CCDC61: variants seen among roughly 807,000 people sequenced by gnomAD.
The protein encoded by CCDC61 is coiled-coil domain containing 61, also known as centrosomal protein CCDC61.
CCDC61 carries 55 observed loss-of-function variants against 63.0 expected under a neutral mutation model. The ratio of observed to expected loss-of-function variants is 0.87; its 90% CI spans 0.70 to 1.09. CCDC61 has a LOEUF of 1.09. Among genes scored for constraint, CCDC61 ranks in the 50% least tolerant of loss-of-function variants. The pLI is 0.00. For missense variants in CCDC61, 651 were observed against 731.4 expected, an observed-to-expected ratio of 0.89 and a Z score of 1.27; for synonymous variants, 270 against 317.0, an observed-to-expected ratio of 0.85 and a Z score of 1.58.
Position 46,016,148 on chromosome 19 carries a change from C to A in CCDC61, c.940C>A (p.Arg314Ser), listed in dbSNP as rs113745251. The A allele has an allele frequency of 1.6e-3, 2,055 of 1,249,070 alleles. 25 individuals are homozygous for A. In the African/African-American group the frequency reaches 0.029, roughly 18 times the overall value. The allele number at this position is 1,249,070 out of a possible 1,614,324, so 77.4% of individuals were successfully genotyped here. A position where few individuals can be genotyped will look rare whatever the true frequency, so the allele number is the denominator to read the frequency against. ...CGCGTCGCGAGGCCGCGGCGCCGCGCGCTCCTCATCCCGGGAGAGCGGCCG... is the reference window on the plus strand; with the variant it reads ...CGCGTCGCGAGGCCGCGGCGCCGCGAGCTCCTCATCCCGGGAGAGCGGCCG... ...RSASRGRGAARSSSRESGRGS... is the reference protein window; with the variant it reads ...RSASRGRGAASSSSRESGRGS... The change falls in exon 8 of 14, where the codon CGC (arginine) becomes AGC (serine). Residue 314 changes from arginine (R) to serine (S), a missense_variant. Coordinates refer to ENST00000595358, the MANE Select transcript of CCDC61 (RefSeq NM_001267723.2). This position sits in a 1 kb window ranked among gnomAD's most constrained non-coding sequence, Gnocchi z 7.2.
At chr19:45,998,491 C>T (rs1232924316) in intron 1 of CCDC61, among the ~76,000 whole-genome samples, 1 of 152,134 alleles carries the variant, frequency 6.6e-6, no homozygotes, top group South Asian at 2.1e-4. Context: ...TCAGGGAGGG[C>T]TTCCTGCAGG....
Position 46,008,053 on chromosome 19 carries a change from G to A in CCDC61, c.390-87G>A, listed in dbSNP as rs773104600. 494 of 1,395,634 alleles carry A rather than the reference G, an allele frequency of 3.5e-4. 1 individual carries two copies. Among genetic ancestry groups the A allele is most frequent in the Non-Finnish European group, 4.1e-4 (425 of 1,037,206 alleles). 86.5% of individuals were successfully genotyped at this position (1,395,634 alleles called of 1,614,324 possible). On this transcript the variant is annotated intron_variant, in intron 4 of 13. Coordinates refer to ENST00000595358, the MANE Select transcript of CCDC61 (RefSeq NM_001267723.2). ...GCAGTTTTTGGAATTGTGTGTTTTC[G>A]TACTCTGTGGCTCTCAGAGGCTGCT...
At chr19:45,999,065 TG>T in intron 1 of CCDC61, among the ~76,000 whole-genome samples, 1 of 152,328 alleles carries the variant, frequency 6.6e-6, no homozygotes, top group African/African-American at 2.4e-5. Context: ...CTCTGTATAA[TG>T]GGGATGGTTA....
chr19:46,014,685 G>A (rs1968889347), intron 5 of CCDC61, among the ~76,000 whole-genome samples: 2 of 152,186 alleles, frequency 1.3e-5, no homozygotes, highest in Admixed American at 1.3e-4. Context: ...GAGGTGGGAG[G>A]AGGAGGGAGG....
chr19:46,008,140 G>A lies in CCDC61; in HGVS notation c.390G>A (p.Arg130=), dbSNP rs1968748293. The A allele has an allele frequency of 6.2e-7, 1 of 1,606,492 alleles. No individual in the cohort carries two copies. The highest frequency in any genetic ancestry group is 2.2e-5 in the East Asian group (1 of 44,714). The change falls in exon 5 of 14, where the codon AGG becomes AGA. Residue 130 remains arginine (R), a splice_region_variant and synonymous_variant. Coordinates refer to ENST00000595358, the MANE Select transcript of CCDC61 (RefSeq NM_001267723.2). ...LILIYSVEFD[R]IHYPLPLPYQ... The stretch of plus-strand genomic sequence containing the variant: ...CACGGTTTTAATCCTCCCTCCTCAG[G>A]ATTCACTACCCGCTGCCCCTCCCGT...
rs752033352 is a variant in CCDC61, at chr19:46,018,324, C to T, written c.1476C>T (p.Ala492=). Residue 492 remains alanine (A), a synonymous_variant, in exon 14 of 14, where the codon GCC becomes GCT. Transcript: ENST00000595358. This position sits in a 1 kb window ranked among gnomAD's most constrained non-coding sequence, Gnocchi z 4.2. ...CGGAGCACCAGGCGGCTGACATGGCCGAAATAGACGCACGCCTGAAGGCCT... is the reference window on the plus strand; with the variant it reads ...CGGAGCACCAGGCGGCTGACATGGCTGAAATAGACGCACGCCTGAAGGCCT... ...YSSEHQAADM[A]EIDARLKALQ... 2.6e-5 allele frequency: 41 copies of T among 1,575,434 alleles called. No individual in the cohort carries two copies. Among genetic ancestry groups the T allele is most frequent in the East Asian group, 9.4e-5 (4 of 42,348 alleles).
intron 3 of CCDC61, among the ~76,000 whole-genome samples, chr19:46,005,335 T>C (rs1002945759): frequency 7.9e-5 from 12 of 152,112 alleles, no homozygotes; most frequent in Non-Finnish European, 1.5e-4. Flanking sequence ...TTCTTAAAGG[T>C]TAGTTGCAAT....
intron 1 of CCDC61, among the ~76,000 whole-genome samples, chr19:45,999,753 GGA>G (rs1466407519): frequency 6.6e-6 from 1 of 152,090 alleles, no homozygotes; most frequent in Non-Finnish European, 1.5e-5. Flanking sequence ...ATGATGAGAG[GGA>G]GAGAGCTGGG....
rs374552887 is a variant in CCDC61, at chr19:45,999,863, C to A, written c.-11-3145C>A. On this transcript the variant is annotated intron_variant, in intron 1 of 13. Transcript: ENST00000595358. ...GCCAGGATGGGGCCTGGAGGGCAGCCGCACAGTGCTCGCAGGGATGGGGTG... is the reference window on the plus strand; with the variant it reads ...GCCAGGATGGGGCCTGGAGGGCAGCAGCACAGTGCTCGCAGGGATGGGGTG... Among the ~76,000 whole-genome samples the A allele has an allele frequency of 2.1e-3, 326 of 152,018 alleles. 1 individual carries two copies. Among genetic ancestry groups the A allele is most frequent in the African/African-American group, 7.6e-3 (314 of 41,462 alleles).
At position 46,015,576 on chromosome 19, in the gene CCDC61, C is replaced by G. The variant is rs1968915802; in HGVS notation, c.845+149C>G. 1.3e-6 allele frequency: 1 copy of G among 757,044 alleles called. No individual in the cohort carries two copies. Among genetic ancestry groups the G allele is most frequent in the African/African-American group, 1.8e-5 (1 of 56,124 alleles). 46.9% of individuals were successfully genotyped at this position (757,044 alleles called of 1,614,324 possible). On this transcript the variant is annotated intron_variant, in intron 7 of 13. Coordinates refer to ENST00000595358, the MANE Select transcript of CCDC61 (RefSeq NM_001267723.2). The surrounding 1 kb of genome is among the most constrained non-coding windows in gnomAD (Gnocchi z 5.3). ...GGAGGCGGGGCTTAGCGGACCCCGT[C>G]TGGAGTCCAGACAGGATTTGGGTGC... is the stretch of plus-strand genomic sequence containing the variant.
At chr19:46,007,742 A>G (rs945259158) in intron 4 of CCDC61, among the ~76,000 whole-genome samples, 2 of 152,174 alleles carry the variant, frequency 1.3e-5, no homozygotes, top group Non-Finnish European at 2.9e-5. Context: ...GTTAATCACA[A>G]TGGCTCACCT....
At position 46,017,259 on chromosome 19, in the gene CCDC61, C is replaced by A. The variant is rs758535693; in HGVS notation, c.1323C>A (p.Arg441=). The A allele has an allele frequency of 2.6e-6, 4 of 1,564,972 alleles. No homozygotes were observed. The highest frequency in any genetic ancestry group is 3.5e-6 in the Non-Finnish European group (4 of 1,154,322). Reference sequence around the variant, plus strand: ...TCCTTTTTCTCAGGGGTCACCGCCGCCGTGGGAAGCCTCCCAGCCCAACGC... The same window carrying A: ...TCCTTTTTCTCAGGGGTCACCGCCGACGTGGGAAGCCTCCCAGCCCAACGC... ...SESLSRGGHR[R]RGKPPSPTPW... The change falls in exon 12 of 14, where the codon CGC becomes CGA. Residue 441 remains arginine, a synonymous_variant. Transcript: ENST00000595358.
chr19:46,008,877 G>A (rs368266630), intron 5 of CCDC61, among the ~76,000 whole-genome samples: 1 of 152,296 alleles, frequency 6.6e-6, no homozygotes, highest in South Asian at 2.1e-4. Flanking sequence ...TGGTACGGGA[G>A]GGGTGTTCTT....
rs1018374598 is a variant in CCDC61 at position 46,015,735 on chromosome 19, T to TGA, written c.845+310_845+311dup. Among the ~76,000 whole-genome samples the TGA allele has an allele frequency of 2.0e-5, 3 of 151,744 alleles. No individual in the cohort carries two copies. Among genetic ancestry groups the TGA allele is most frequent in the Admixed American group, 1.3e-4 (2 of 15,246 alleles). ...TGCGGCGCAGCAGGTGGGATCAGGG[T>TGA]GAGGTCCGCTGGCATTTATGGGGTG... On this transcript the variant is annotated intron_variant, in intron 7 of 13. Transcript: ENST00000595358. The surrounding 1 kb of genome is among the most constrained non-coding windows in gnomAD (Gnocchi z 5.3).
rs531979903 is a variant in CCDC61, at chr19:46,000,053, T to C, written c.-11-2955T>C. The stretch of plus-strand genomic sequence containing the variant: ...GTCATTCCGAAGCAAGGATGGAGGA[T>C]GCAGGTAGAGGGACAGGGTCAGCGG... On this transcript the variant is annotated intron_variant, in intron 1 of 13. Coordinates refer to ENST00000595358, the MANE Select transcript of CCDC61 (RefSeq NM_001267723.2). 4.6e-3 allele frequency: 4,515 copies of C among 984,668 alleles called. 12 individuals carry two copies. The highest frequency in any genetic ancestry group is 5.1e-3 in the Non-Finnish European group (4,220 of 829,740). 61.0% of individuals were successfully genotyped at this position (984,668 alleles called of 1,614,324 possible).
rs1291992373 is a variant in CCDC61, at chr19:46,006,195, C to T, written c.232-364C>T. ...TTCCCACCATTGCTTTTGTACCATT[C>T]GCGCACATGTCAACACAGTGAAAAA... On this transcript the variant is annotated intron_variant, in intron 3 of 13. Coordinates refer to ENST00000595358, the MANE Select transcript of CCDC61 (RefSeq NM_001267723.2). Among the ~76,000 whole-genome samples the T allele has an allele frequency of 3.3e-5, 5 of 152,246 alleles. 1 individual carries two copies. Among genetic ancestry groups the T allele is most frequent in the Admixed American group, 2.6e-4 (4 of 15,298 alleles).
At chr19:46,008,117 C>T (rs769958308) in intron 4 of CCDC61, 23 bp from the exon 5 acceptor site, 42 of 1,581,242 alleles carry the variant, frequency 2.7e-5, no homozygotes, top group Middle Eastern at 1.7e-4. Flanking sequence ...TGAGATGCCA[C>T]GGTTTTAATC....
intron 5 of CCDC61, among the ~76,000 whole-genome samples, 195 bp from the exon 6 acceptor site, chr19:46,014,854 G>T (rs1211216371): frequency 1.3e-5 from 2 of 152,156 alleles, no homozygotes; most frequent in East Asian, 1.9e-4. Flanking sequence ...GTGCATGGGG[G>T]TGATGTGACC....
chr19:46,013,781 G>A (rs13347045), intron 5 of CCDC61, among the ~76,000 whole-genome samples: 14,805 of 151,534 alleles, frequency 0.098, 934 homozygotes, highest in Non-Finnish European at 0.14. Context: ...CAGGAGAATC[G>A]CTTCAACCCG....
Sources: allele counts gnomAD v4.1 joint callset (sites outside exome capture counted in the v4.1 genomes callset), GRCh38; gene constraint gnomAD v4.1.1; non-coding constraint Gnocchi (gnomAD v3.1); transcripts MANE v1.5; gene names NCBI Gene and HGNC (gene_info 2026-07-23, HGNC 2026-07-21).